ANO3: variants seen among roughly 807,000 people sequenced by gnomAD.
ANO3 encodes the protein anoctamin-3.
ANO3 carries 99 observed loss-of-function variants against 144.8 expected under a neutral mutation model. That is an observed-to-expected ratio of 0.68 (90% CI 0.58 to 0.81). ANO3 has a LOEUF of 0.81. Among genes scored for constraint, ANO3 ranks in the 30% least tolerant of loss-of-function variants. ANO3 has a pLI of 0.00. For synonymous variants in ANO3, 414 were observed against 392.6 expected (o/e 1.05, Z -0.64); for missense variants, 905 against 1,202.2 (o/e 0.75, Z 3.66).
intron 1 of ANO3, among the ~76,000 whole-genome samples, chr11:26,316,051 T>C (rs996793637): frequency 2.6e-5 from 4 of 152,224 alleles, no homozygotes; most frequent in Non-Finnish European, 5.9e-5. Flanking sequence ...TATCTCCTAC[T>C]ACACACAAAT....
chr11:26,432,648 T>C (rs962436133), intron 1 of ANO3, among the ~76,000 whole-genome samples: 3 of 152,214 alleles, frequency 2.0e-5, no homozygotes, highest in Non-Finnish European at 4.4e-5. Context: ...GCACCATTTA[T>C]TGAATAGGGA....
At chr11:26,514,400 T>A (rs970975375) in intron 5 of ANO3, among the ~76,000 whole-genome samples, 1 of 152,118 alleles carries the variant, frequency 6.6e-6, no homozygotes, top group African/African-American at 2.4e-5. Flanking sequence ...GCATGGGCAC[T>A]TTATGAGGTG....
intron 1 of ANO3, 66 bp downstream of exon 1, chr11:26,332,387 G>A: frequency 6.6e-7 from 1 of 1,508,888 alleles, no homozygotes; most frequent in Non-Finnish European, 9.2e-7. Flanking sequence ...CCTTGCAGTT[G>A]TGTAGGAGCA....
intron 1 of ANO3, among the ~76,000 whole-genome samples, chr11:26,343,027 T>C (rs1405796167): frequency 1.3e-5 from 2 of 152,182 alleles, no homozygotes; most frequent in Non-Finnish European, 2.9e-5. Flanking sequence ...ATTTCAAGTA[T>C]ATAGTACAGT....
chr11:26,593,879 G>T (rs904512706), intron 14 of ANO3, among the ~76,000 whole-genome samples: 4 of 152,166 alleles, frequency 2.6e-5, no homozygotes, highest in Non-Finnish European at 5.9e-5. Flanking sequence ...GTCCCGTTCC[G>T]CCTGCTCTTC....
At chr11:26,201,980 C>T (rs1851703012) in intron 1 of ANO3, among the ~76,000 whole-genome samples, 1 of 151,052 alleles carries the variant, frequency 6.6e-6, no homozygotes, top group South Asian at 2.1e-4. Flanking sequence ...TACATTTACA[C>T]TTACGATATC....
Position 26,285,260 on chromosome 11 carries a change from AAAG to A in ANO3, c.155-24382_155-24380del, listed in dbSNP as rs144276720. Reference sequence around the variant, plus strand: ...TAGGAGTAAGAAAATATAGGAAGATAAAGAAACTCATAATTTGCATAATGGCAA... The same window carrying A: ...TAGGAGTAAGAAAATATAGGAAGATAAAACTCATAATTTGCATAATGGCAA... On this transcript the variant is annotated intron_variant, in intron 1 of 27. Coordinates refer to the ANO3 transcript ENST00000672621. 5.5e-3 allele frequency among the ~76,000 whole-genome samples: 837 copies of A among 152,338 alleles called. 3 individuals are homozygous for A. Among genetic ancestry groups the A allele is most frequent in the African/African-American group, 0.019 (800 of 41,584 alleles).
intron 1 of ANO3, among the ~76,000 whole-genome samples, chr11:26,314,276 A>G (rs1259691179): frequency 1.3e-5 from 2 of 152,190 alleles, no homozygotes; most frequent in African/African-American, 4.8e-5. Flanking sequence ...AATCTTAGTT[A>G]TGCATTTTCC....
At chr11:26,291,332 A>G (rs112594516) in intron 1 of ANO3, among the ~76,000 whole-genome samples, 3,259 of 152,252 alleles carry the variant, frequency 0.021, 60 homozygotes, top group East Asian at 0.12. Flanking sequence ...TCCTGAATAC[A>G]GCACACTGAT....
At chr11:26,333,138 T>C (rs1855099887) in intron 1 of ANO3, among the ~76,000 whole-genome samples, 2 of 152,222 alleles carry the variant, frequency 1.3e-5, no homozygotes, top group South Asian at 4.1e-4. Flanking sequence ...ATGATACAGT[T>C]AACCATAGAG....
chr11:26,303,356 T>C (rs1854281980), intron 1 of ANO3, among the ~76,000 whole-genome samples: 1 of 152,112 alleles, frequency 6.6e-6, no homozygotes, highest in South Asian at 2.1e-4. Context: ...CATACAATAC[T>C]ACACAGCCAT....
intron 1 of ANO3, among the ~76,000 whole-genome samples, chr11:26,317,601 G>A (rs1273729025): frequency 2.0e-5 from 3 of 152,082 alleles, no homozygotes; most frequent in Non-Finnish European, 4.4e-5. Context: ...TAAACAGTCA[G>A]GAAACAACAG....
At chr11:26,650,233 G>GGTA (rs1565166609) in intron 24 of ANO3, among the ~76,000 whole-genome samples, 1 of 151,650 alleles carries the variant, frequency 6.6e-6, no homozygotes, top group African/African-American at 2.4e-5. Flanking sequence ...GCAAGGTGGC[G>GGTA]GAAGAAGATG....
At position 26,443,956 on chromosome 11, in the gene ANO3, A is replaced by C. The variant is rs370285314; in HGVS notation, c.313+120A>C. ...AAGTTCATGTTTGGTTTTTAACGTA[A>C]TAGGTGAGTATAATATTCTGAGGTT... On this transcript the variant is annotated intron_variant, in intron 3 of 26. Coordinates refer to ENST00000256737, the MANE Select transcript of ANO3 (RefSeq NM_031418.4). 9 of 557,036 alleles carry C rather than the reference A, an allele frequency of 1.6e-5. No homozygotes were observed. The East Asian group carries it at 2.4e-4, about 15-fold the overall frequency. The allele number at this position is 557,036 out of a possible 1,614,324, so 34.5% of individuals were successfully genotyped here.
intron 1 of ANO3, among the ~76,000 whole-genome samples, chr11:26,426,306 T>C (rs988375152): frequency 5.9e-5 from 9 of 152,164 alleles, no homozygotes; most frequent in African/African-American, 1.9e-4. Context: ...TTAAAAGTTA[T>C]AGTATCTGGA....
chr11:26,645,918 C>T (rs1035821648), intron 23 of ANO3, among the ~76,000 whole-genome samples: 1 of 152,022 alleles, frequency 6.6e-6, no homozygotes, highest in African/African-American at 2.4e-5. Context: ...TTTTAAAAAA[C>T]TTCCATTTCA....
intron 3 of ANO3, among the ~76,000 whole-genome samples, chr11:26,445,574 T>C (rs1858672948): frequency 6.6e-6 from 1 of 152,180 alleles, no homozygotes; most frequent in African/African-American, 2.4e-5. Context: ...GCACTGTATC[T>C]CGTATTCACT....
rs747581713 is a variant in ANO3, at chr11:26,508,101, C to A, written c.433-3C>A. 6.4e-7 allele frequency: 1 copy of A among 1,569,774 alleles called. No individual in the cohort carries two copies. The highest frequency in any genetic ancestry group is 8.6e-7 in the Non-Finnish European group (1 of 1,165,572). ...CCATTAACAATCATTGCTTTATTTG[C>A]AGAATGACATGAATTACATAGCATC... On this transcript the variant is annotated splice_polypyrimidine_tract_variant and splice_region_variant and intron_variant, in intron 4 of 26. Transcript: ENST00000256737.
chr11:26,430,853 A>G (rs914750386), intron 1 of ANO3, among the ~76,000 whole-genome samples: 1 of 152,228 alleles, frequency 6.6e-6, no homozygotes, highest in African/African-American at 2.4e-5. Flanking sequence ...TGGCATTACA[A>G]TGTTTAAACA....
Sources: gnomAD v4.1 joint callset for allele counts (sites outside exome capture counted in the v4.1 genomes callset) on GRCh38, gnomAD v4.1.1 for gene constraint, MANE v1.5 for transcripts, NCBI Gene and HGNC (gene_info 2026-07-23, HGNC 2026-07-21) for gene names.